Variants in SMOX observed in about 807,000 individuals in gnomAD.
SMOX encodes the protein flavin containing amine oxidase.
Under a neutral mutation model 51.0 loss-of-function variants are expected in SMOX, and 22 were observed. That is an observed-to-expected ratio of 0.43 (90% CI 0.31 to 0.62). The LOEUF (loss-of-function observed/expected upper bound fraction) is 0.62, where lower values mean the gene tolerates loss of function less well. Ranked by LOEUF, SMOX falls within the 20% of genes least tolerant of loss-of-function variation. The probability of loss-of-function intolerance (pLI) is 0.10; values close to 1 mark genes in which losing one functional copy is unlikely to be tolerated. For missense variants in SMOX, 566 were observed against 777.7 expected, an observed-to-expected ratio of 0.73 and a Z score of 3.24; for synonymous variants, 282 against 307.8, an observed-to-expected ratio of 0.92 and a Z score of 0.88.
chr20:4,167,378 C>A lies in SMOX; in HGVS notation c.-26-7652C>A, dbSNP rs887886424. On this transcript the variant is annotated intron_variant, in intron 1 of 6. Transcript: ENST00000305958. The surrounding 1 kb of genome is among the most constrained non-coding windows in gnomAD (Gnocchi z 4.8). ...GGTCTCTTTGGGGATCTTCCTCCCT[C>A]TCCCGCCCTCTCCGAGATGACCTTT... 1.3e-5 allele frequency among the ~76,000 whole-genome samples: 2 copies of A among 152,178 alleles called. No homozygotes were observed. Among genetic ancestry groups the A allele is most frequent in the Non-Finnish European group, 2.9e-5 (2 of 68,024 alleles).
chr20:4,181,841 A>G lies in SMOX; in HGVS notation c.474A>G (p.Lys158=), dbSNP rs1261055421. 9 of 1,613,924 alleles carry G rather than the reference A, an allele frequency of 5.6e-6. No individual in the cohort carries two copies. The highest frequency in any genetic ancestry group is 5.5e-5 in the South Asian group (5 of 91,080). ...CCCAGGAGTTCTTCCGGCACGATAA[A>G]CCAGTCAATGCTGAAAGTCAAAATA... The part of the protein sequence containing the change: ...NLTQEFFRHD[K]PVNAESQNSV... Residue 158 remains lysine, a synonymous_variant, in exon 4 of 7, where the codon AAA becomes AAG. Transcript: ENST00000305958. This position sits in a 1 kb window ranked among gnomAD's most constrained non-coding sequence, Gnocchi z 5.6.
intron 2 of SMOX, among the ~76,000 whole-genome samples, chr20:4,176,776 G>GT (rs1380744024): frequency 2.0e-5 from 3 of 152,170 alleles, no homozygotes; most frequent in African/African-American, 7.2e-5. Context: ...GGCTCTCAGG[G>GT]TTTTTTGTAC....
intron 1 of SMOX, among the ~76,000 whole-genome samples, chr20:4,155,863 C>T (rs998218056): frequency 6.6e-6 from 1 of 151,992 alleles, no homozygotes; most frequent in Non-Finnish European, 1.5e-5. Flanking sequence ...GGTTCCACTG[C>T]CCTGGGCAGT....
chr20:4,171,128 T>G (rs1203023369), intron 1 of SMOX, among the ~76,000 whole-genome samples: 1 of 152,180 alleles, frequency 6.6e-6, no homozygotes, highest in Non-Finnish European at 1.5e-5. Flanking sequence ...GCTCAGAAAG[T>G]ACAGGGTGTT....
intron 1 of SMOX, among the ~76,000 whole-genome samples, chr20:4,169,849 G>A (rs571366490): frequency 2.0e-5 from 3 of 152,120 alleles, no homozygotes; most frequent in Non-Finnish European, 2.9e-5. Flanking sequence ...ATGTGTATGC[G>A]GGAGGCTGTT....
chr20:4,150,123 A>G (rs1985661451), intron 1 of SMOX, among the ~76,000 whole-genome samples: 2 of 152,132 alleles, frequency 1.3e-5, no homozygotes, highest in South Asian at 2.1e-4. Flanking sequence ...CGTCCACAGC[A>G]TTATAAGAAA....
chr20:4,182,804 A>T lies in SMOX; in HGVS notation c.1325A>T (p.Glu442Val). 7.2e-7 allele frequency: 1 copy of T among 1,391,386 alleles called. No homozygotes were observed. The highest frequency in any genetic ancestry group is 9.4e-7 in the Non-Finnish European group (1 of 1,062,300). The allele number at this position is 1,391,386 out of a possible 1,614,324, so 86.2% of individuals were successfully genotyped here. A position where few individuals can be genotyped will look rare whatever the true frequency, so the allele number is the denominator to read the frequency against. ...CTCGTCATGGAGAAGTGTGATGACG[A>T]GGCAGTGGCCGAGATCTGCACGGAG... is the stretch of plus-strand genomic sequence containing the variant. ...EALVMEKCDDEAVAEICTEML... is the reference protein window; with the variant it reads ...EALVMEKCDDVAVAEICTEML... The change falls in exon 5 of 7, where the codon GAG (glutamate) becomes GTG (valine). Residue 442 changes from glutamate to valine, a missense_variant. Physicochemically the swap from Glu to Val is moderately radical, Grantham distance 121 (BLOSUM62 -2). Around this residue, in one of 3 missense-constraint regions of SMOX, gnomAD observed 347 missense variants for 481.8 expected, o/e 0.72. Transcript: ENST00000305958. This position sits in a 1 kb window ranked among gnomAD's most constrained non-coding sequence, Gnocchi z 8.4.
chr20:4,163,200 T>TAA (rs11475945), intron 1 of SMOX, among the ~76,000 whole-genome samples: 1 of 144,578 alleles, frequency 6.9e-6, no homozygotes, highest in Non-Finnish European at 1.5e-5. Context: ...TGTAGGTCCC[T>TAA]AAAAAAAAAA....
intron 1 of SMOX, among the ~76,000 whole-genome samples, chr20:4,159,158 T>A (rs1239912530): frequency 6.6e-6 from 1 of 152,142 alleles, no homozygotes; most frequent in Non-Finnish European, 1.5e-5. Context: ...AGTTTCACTC[T>A]TGGAGTGCAA....
At chr20:4,165,400 A>T (rs563228420) in intron 1 of SMOX, among the ~76,000 whole-genome samples, 1 of 152,000 alleles carries the variant, frequency 6.6e-6, no homozygotes, top group African/African-American at 2.4e-5. Context: ...GGGTCTTGCT[A>T]TGTTGCCCAG....
rs755923745 is a variant in SMOX at position 4,181,993 on chromosome 20, G to A, written c.609+17G>A. 3 of 1,612,422 alleles carry A rather than the reference G, an allele frequency of 1.9e-6. No homozygotes were observed. The highest frequency in any genetic ancestry group is 2.2e-5 in the East Asian group (1 of 44,826). ...TACCTGAAGGTATCTTGAGGAAGAC[G>A]GATTCTGGGGGCGTCTGGGTCTGAG... On this transcript the variant is annotated intron_variant, in intron 4 of 6. Coordinates refer to ENST00000305958, the MANE Select transcript of SMOX (RefSeq NM_175839.3). The surrounding 1 kb of genome is among the most constrained non-coding windows in gnomAD (Gnocchi z 5.6).
intron 1 of SMOX, among the ~76,000 whole-genome samples, chr20:4,158,761 G>A (rs1012757478): frequency 3.9e-5 from 6 of 151,954 alleles, no homozygotes; most frequent in African/African-American, 1.5e-4. Flanking sequence ...GGCTCTCTCA[G>A]AGCCTGTCCT....
Position 4,172,104 on chromosome 20 carries a change from T to C in SMOX, c.-26-2926T>C, listed in dbSNP as rs968132365. 1.3e-5 allele frequency among the ~76,000 whole-genome samples: 2 copies of C among 152,222 alleles called. No individual in the cohort carries two copies. The highest frequency in any genetic ancestry group is 4.8e-5 in the African/African-American group (2 of 41,476). On this transcript the variant is annotated intron_variant, in intron 1 of 6. Coordinates refer to ENST00000305958, the MANE Select transcript of SMOX (RefSeq NM_175839.3). The surrounding 1 kb of genome is among the most constrained non-coding windows in gnomAD (Gnocchi z 7.7). Reference sequence around the variant, plus strand: ...CCCCAGTTTAATACCTGCTACACCCTGACCCCCATAGCAGCTTTTTAAGAA... The same window carrying C: ...CCCCAGTTTAATACCTGCTACACCCCGACCCCCATAGCAGCTTTTTAAGAA...
At chr20:4,154,361 T>C (rs1985901659) in intron 1 of SMOX, among the ~76,000 whole-genome samples, 2 of 148,198 alleles carry the variant, frequency 1.3e-5, no homozygotes, top group African/African-American at 2.6e-5. Context: ...GGCCTGTGAC[T>C]CCGCATTTCT....
chr20:4,164,035 C>T (rs1183359018), intron 1 of SMOX, among the ~76,000 whole-genome samples: 1 of 152,240 alleles, frequency 6.6e-6, no homozygotes. Context: ...CCTGTTGTTG[C>T]ACCTGCAGCT....
intron 1 of SMOX, among the ~76,000 whole-genome samples, chr20:4,169,119 T>G (rs1342732449): frequency 1.3e-5 from 2 of 151,966 alleles, no homozygotes; most frequent in Non-Finnish European, 2.9e-5. Context: ...GGCTAATTTT[T>G]TAATTTTTAT....
rs1979524997 is a variant in SMOX at position 4,183,694 on chromosome 20, G to A, written c.1530+40G>A. 1.3e-6 allele frequency: 2 copies of A among 1,533,400 alleles called. No individual in the cohort carries two copies. Among genetic ancestry groups the A allele is most frequent in the South Asian group, 1.3e-5 (1 of 77,600 alleles). 95.0% of individuals were successfully genotyped at this position (1,533,400 alleles called of 1,614,324 possible). A position where few individuals can be genotyped will look rare whatever the true frequency, so the allele number is the denominator to read the frequency against. ...TGGGGTGAGGAGGGGAGTTGTGGGT[G>A]TATTTTGTATGTGTGTCCGGTCCAG... On this transcript the variant is annotated intron_variant, in intron 6 of 6. Coordinates refer to ENST00000305958, the MANE Select transcript of SMOX (RefSeq NM_175839.3). The surrounding 1 kb of genome is among the most constrained non-coding windows in gnomAD (Gnocchi z 4.3).
chr20:4,158,131 A>G (rs913236985), intron 1 of SMOX, among the ~76,000 whole-genome samples: 1 of 150,404 alleles, frequency 6.6e-6, no homozygotes, highest in Non-Finnish European at 1.5e-5. Flanking sequence ...CGATCTCCTG[A>G]CCTCGTGATC....
intron 1 of SMOX, among the ~76,000 whole-genome samples, chr20:4,161,473 G>C (rs1488454638): frequency 6.6e-6 from 1 of 152,196 alleles, no homozygotes; most frequent in Non-Finnish European, 1.5e-5. Flanking sequence ...CCATCAGCTT[G>C]TTGTGAAGGG....
Sources: allele counts gnomAD v4.1 joint callset (sites outside exome capture counted in the v4.1 genomes callset), GRCh38; gene constraint gnomAD v4.1.1; regional missense constraint gnomAD v4.1.1; non-coding constraint Gnocchi (gnomAD v3.1); transcripts MANE v1.5; gene names NCBI Gene and HGNC (gene_info 2026-07-23, HGNC 2026-07-21).